The following FAM120B variants were observed in gnomAD, a reference collection of about 807,000 sequenced individuals.
FAM120B encodes the protein family with sequence similarity 120 member B.
A neutral mutation model predicts 96.3 loss-of-function variants in FAM120B; 83 were observed. The ratio of observed to expected loss-of-function variants is 0.86; its 90% CI spans 0.72 to 1.03. The LOEUF is 1.03. Ranked by LOEUF, FAM120B falls within the 50% of genes least tolerant of loss-of-function variation. FAM120B has a pLI of 0.00. For missense variants in FAM120B, 1,027 were observed against 1,121.2 expected (o/e 0.92, Z 1.20); for synonymous variants, 407 against 402.7 (o/e 1.01, Z -0.13).
chr6:170,338,954 C>T (rs764006578), intron 4 of FAM120B, among the ~76,000 whole-genome samples: 15 of 150,848 alleles, frequency 9.9e-5, no homozygotes, highest in South Asian at 2.1e-4. Flanking sequence ...ATACAGCACA[C>T]CAATAGGTCT....
chr6:170,397,129 A>G (rs1186058809), intron 9 of FAM120B, among the ~76,000 whole-genome samples: 1 of 152,244 alleles, frequency 6.6e-6, no homozygotes, highest in Non-Finnish European at 1.5e-5. Flanking sequence ...ATCTGTCTGC[A>G]GCTGGCCGTG....
intron 4 of FAM120B, 110 bp from the exon 5 acceptor site, chr6:170,348,041 T>C: frequency 1.1e-6 from 1 of 909,288 alleles, no homozygotes; most frequent in Non-Finnish European, 1.6e-6. Context: ...TAGTTCCTTT[T>C]ACATCAGGAA....
At chr6:170,291,345 G>C (rs1783866819), upstream of FAM120B, among the ~76,000 whole-genome samples, 1 of 151,658 alleles carries the variant, frequency 6.6e-6, no homozygotes, top group South Asian at 2.1e-4. Flanking sequence ...CACTTGAGCG[G>C]CGGGACGCGG....
chr6:170,355,941 G>T (rs1360011183), intron 5 of FAM120B, among the ~76,000 whole-genome samples: 3 of 152,120 alleles, frequency 2.0e-5, no homozygotes, highest in Non-Finnish European at 4.4e-5. Context: ...TACTATGTGT[G>T]TGCACAACAA....
rs1562567407 is a variant in FAM120B at position 170,361,251 on chromosome 6, T to TAC, written c.2283+2934_2283+2935insCA. 1.8e-3 allele frequency among the ~76,000 whole-genome samples: 259 copies of TAC among 141,236 alleles called. 9 individuals are homozygous for TAC. The highest frequency in any genetic ancestry group is 0.016 in the East Asian group (75 of 4,766). 92.7% of individuals were successfully genotyped at this position (141,236 alleles called of 152,430 possible). On this transcript the variant is annotated intron_variant, in intron 6 of 10. Transcript: ENST00000476287. ...ATATATATATACACGTATATATATA[T>TAC]ATACGTGTATATATATAGTTACATA...
At chr6:170,312,972 T>C (rs1013641029) in intron 1 of FAM120B, among the ~76,000 whole-genome samples, 15 of 152,190 alleles carry the variant, frequency 9.9e-5, no homozygotes, top group Admixed American at 7.2e-4. Flanking sequence ...GGATTCTTGC[T>C]ACAAGCCCCA....
chr6:170,359,045 C>T (rs1224609614), intron 6 of FAM120B, among the ~76,000 whole-genome samples: 5 of 152,056 alleles, frequency 3.3e-5, no homozygotes, highest in Non-Finnish European at 4.4e-5. Flanking sequence ...TAGTTGCATT[C>T]GTTTTACTTG....
rs544388594 is a variant in FAM120B at position 170,339,349 on chromosome 6, C to CA, written c.2017+8800dup. On this transcript the variant is annotated intron_variant, in intron 4 of 10. Transcript: ENST00000476287. ...ATAAAATTGAAGTTTTAAGGGATGT[C>CA]AGTGTTTTTGCCATTTTTCCAGTTC... Among the ~76,000 whole-genome samples the CA allele has an allele frequency of 1.7e-4, 26 of 151,992 alleles. No individual in the cohort carries two copies. The South Asian group carries it at 5.4e-3, about 32-fold the overall frequency.
upstream of FAM120B, among the ~76,000 whole-genome samples, chr6:170,293,653 C>T (rs1783933546): frequency 6.6e-6 from 1 of 152,008 alleles, no homozygotes. Flanking sequence ...TCTCCTTCCT[C>T]CTCCTCCTGT....
intron 5 of FAM120B, among the ~76,000 whole-genome samples, chr6:170,356,911 T>C (rs1488632136): frequency 6.6e-6 from 1 of 152,170 alleles, no homozygotes; most frequent in Non-Finnish European, 1.5e-5. Flanking sequence ...AAGTAATACC[T>C]ACTTGGAATA....
chr6:170,379,886 A>G (rs577354533), intron 6 of FAM120B, among the ~76,000 whole-genome samples: 1 of 152,288 alleles, frequency 6.6e-6, no homozygotes, highest in South Asian at 2.1e-4. Flanking sequence ...TCTACCCTCT[A>G]GGCAGATTTT....
intron 1 of FAM120B, 61 bp from the exon 2 acceptor site, chr6:170,317,309 A>G: frequency 2.3e-6 from 3 of 1,316,804 alleles, no homozygotes; most frequent in Non-Finnish European, 3.2e-6. Flanking sequence ...GTTTGCTTTG[A>G]AAGGTGCCAT....
intron 6 of FAM120B, among the ~76,000 whole-genome samples, chr6:170,374,844 C>G (rs1338152429): frequency 1.3e-5 from 2 of 152,198 alleles, no homozygotes; most frequent in Non-Finnish European, 1.5e-5. Flanking sequence ...GCAGCTTTAC[C>G]CGTGAAGGGC....
intron 4 of FAM120B, among the ~76,000 whole-genome samples, chr6:170,333,492 A>G (rs560832899): frequency 7.0e-4 from 106 of 150,452 alleles, no homozygotes; most frequent in African/African-American, 2.5e-3. Context: ...GCTTATTTAC[A>G]TGCATATATT....
At chr6:170,360,439 A>G (rs763738492) in intron 6 of FAM120B, among the ~76,000 whole-genome samples, 2 of 152,162 alleles carry the variant, frequency 1.3e-5, no homozygotes, top group Non-Finnish European at 2.9e-5. Context: ...GGCTTTTGAC[A>G]CCCTGTCCGG....
chr6:170,310,676 A>G (rs1306964549), intron 1 of FAM120B, among the ~76,000 whole-genome samples: 1 of 152,200 alleles, frequency 6.6e-6, no homozygotes, highest in African/African-American at 2.4e-5. Context: ...AAAACTGATA[A>G]TGTGCTCTAA....
intron 6 of FAM120B, among the ~76,000 whole-genome samples, chr6:170,378,567 G>A (rs1789717670): frequency 1.3e-5 from 2 of 152,254 alleles, no homozygotes; most frequent in African/African-American, 4.8e-5. Flanking sequence ...ATCAGTGAGA[G>A]ACGCCAACCC....
chr6:170,292,545 C>T (rs1047936598), upstream of FAM120B, among the ~76,000 whole-genome samples: 5 of 152,180 alleles, frequency 3.3e-5, no homozygotes, highest in Non-Finnish European at 5.9e-5. The surrounding 1 kb of genome is among the most constrained non-coding windows in gnomAD (Gnocchi z 6.6). Context: ...TTAGAGCTGC[C>T]TTATTGGTGA....
At chr6:170,372,035 T>G (rs985279872) in intron 6 of FAM120B, among the ~76,000 whole-genome samples, 4 of 152,204 alleles carry the variant, frequency 2.6e-5, no homozygotes, top group Admixed American at 2.6e-4. Context: ...TCATATTTAT[T>G]CAGTTATTTT....
Sources: allele counts gnomAD v4.1 joint callset (sites outside exome capture counted in the v4.1 genomes callset), GRCh38; gene constraint gnomAD v4.1.1; non-coding constraint Gnocchi (gnomAD v3.1); transcripts MANE v1.5; gene names NCBI Gene and HGNC (gene_info 2026-07-23, HGNC 2026-07-21).